GALNT2: variants seen among roughly 807,000 people sequenced by gnomAD.
GALNT2 encodes the protein UDP-GalNAc:polypeptide N-acetylgalactosaminyltransferase 2.
In GALNT2, 31 loss-of-function variants were observed where a neutral mutation model predicts 81.4. The observed-to-expected ratio is 0.38, with a 90% confidence interval of 0.29 to 0.51. GALNT2 has a LOEUF of 0.51. GALNT2 is among the 20% of genes least tolerant of loss of function. The pLI, the probability that GALNT2 is intolerant of heterozygous loss-of-function variation, is 0.87. For synonymous variants in GALNT2, 303 were observed against 287.4 expected (o/e 1.05, Z -0.55); for missense variants, 629 against 765.7 (o/e 0.82, Z 2.11).
intron 10 of GALNT2, among the ~76,000 whole-genome samples, chr1:230,254,289 A>G (rs942787547): frequency 2.0e-5 from 3 of 152,100 alleles, no homozygotes; most frequent in Non-Finnish European, 2.9e-5. Context: ...CTGAGTTCCA[A>G]TGCTCAGGGC....
At chr1:230,112,839 G>T (rs1367129597) in intron 1 of GALNT2, among the ~76,000 whole-genome samples, 1 of 152,114 alleles carries the variant, frequency 6.6e-6, no homozygotes, top group African/African-American at 2.4e-5. Context: ...CCACTCTTGG[G>T]CTGTGAGCCA....
At chr1:230,147,517 G>T (rs910571970) in intron 1 of GALNT2, among the ~76,000 whole-genome samples, 2 of 152,212 alleles carry the variant, frequency 1.3e-5, no homozygotes, top group Non-Finnish European at 2.9e-5. Context: ...CTGCTCTGCC[G>T]TGTGCCTGGC....
At chr1:230,137,796 ATGT>A (rs1270945468) in intron 1 of GALNT2, among the ~76,000 whole-genome samples, 1 of 152,202 alleles carries the variant, frequency 6.6e-6, no homozygotes, top group East Asian at 1.9e-4. Context: ...CTCAGGATTG[ATGT>A]TGTATAGGGT....
At chr1:230,263,766 T>C (rs1558168238) in intron 13 of GALNT2, 1 of 152,220 alleles carries the variant, frequency 6.6e-6, no homozygotes, top group Non-Finnish European at 1.5e-5. Flanking sequence ...TTATTCTAAA[T>C]ATTCCCAGAG....
At chr1:230,098,351 T>C (rs1216522343) in intron 1 of GALNT2, among the ~76,000 whole-genome samples, 1 of 152,072 alleles carries the variant, frequency 6.6e-6, no homozygotes, top group Non-Finnish European at 1.5e-5. Flanking sequence ...TTAGAATGCA[T>C]GCATGTGAAT....
At position 230,264,836 on chromosome 1, in the gene GALNT2, C is replaced by A. The variant is rs533521694; in HGVS notation, c.1314-405C>A. On this transcript the variant is annotated intron_variant, in intron 13 of 15. Coordinates refer to ENST00000366672, the MANE Select transcript of GALNT2 (RefSeq NM_004481.5). ...CCACCTGACAAGTCTGCCCACCTTTCCCGTCTTTACTGGATAAAGGTCAGA... is the reference window on the plus strand; with the variant it reads ...CCACCTGACAAGTCTGCCCACCTTTACCGTCTTTACTGGATAAAGGTCAGA... The A allele has an allele frequency of 2.4e-4, 38 of 158,304 alleles. No homozygotes were observed. In the South Asian group the frequency reaches 7.3e-3, roughly 30 times the overall value. The allele number at this position is 158,304 out of a possible 1,614,324, so 9.8% of individuals were successfully genotyped here. A position where few individuals can be genotyped will look rare whatever the true frequency, so the allele number is the denominator to read the frequency against.
At position 230,149,575 on chromosome 1, in the gene GALNT2, G is replaced by A. The variant is rs369037408; in HGVS notation, c.127-28643G>A. ...GTATTGAGTGCAACAAGCGGTTGAG[G>A]GACCTTAGATTTTGAGGGTTTTTAA... On this transcript the variant is annotated intron_variant, in intron 1 of 15. Transcript: ENST00000366672. Among the ~76,000 whole-genome samples, 43 of 152,240 alleles carry A rather than the reference G, an allele frequency of 2.8e-4. No individual in the cohort carries two copies. In the South Asian group the frequency reaches 8.1e-3, roughly 29 times the overall value.
chr1:230,086,866 G>C (rs577827334), intron 1 of GALNT2, among the ~76,000 whole-genome samples: 23 of 152,294 alleles, frequency 1.5e-4, no homozygotes, highest in African/African-American at 4.6e-4. Context: ...TCATGGAGTG[G>C]CTCAGGTGTC....
At chr1:230,267,569 A>G (rs1239445221) in intron 14 of GALNT2, among the ~76,000 whole-genome samples, 1 of 152,238 alleles carries the variant, frequency 6.6e-6, no homozygotes, top group African/African-American at 2.4e-5. Context: ...CACACAAGCC[A>G]GCCTTCAGCT....
At chr1:230,068,113 T>C (rs1571922261) in intron 1 of GALNT2, among the ~76,000 whole-genome samples, 1 of 152,374 alleles carries the variant, frequency 6.6e-6, no homozygotes, top group African/African-American at 2.4e-5. Context: ...CGTGGCCTCC[T>C]GCGCTTGCAT....
At position 230,271,899 on chromosome 1, in the gene GALNT2, G is replaced by A. The variant is rs116127042; in HGVS notation, c.1441-2546G>A. Among the ~76,000 whole-genome samples the A allele has an allele frequency of 2.2e-3, 332 of 152,330 alleles. 2 individuals carry two copies. Among genetic ancestry groups the A allele is most frequent in the Non-Finnish European group, 3.6e-3 (245 of 68,026 alleles). On this transcript the variant is annotated intron_variant, in intron 14 of 15. Transcript: ENST00000366672. This position sits in a 1 kb window ranked among gnomAD's most constrained non-coding sequence, Gnocchi z 4.2. ...TCCCTTCCCAGAGGATGGGGTGGCG[G>A]GGGACTGACGGTTTCAAGCTTCTCA...
intron 1 of GALNT2, among the ~76,000 whole-genome samples, chr1:230,087,111 A>G (rs1659923082): frequency 6.6e-6 from 1 of 152,148 alleles, no homozygotes; most frequent in African/African-American, 2.4e-5. Context: ...TCACCTGGGA[A>G]GGTCCTGGCT....
rs992309060 is a variant in GALNT2, at chr1:230,275,956, G to T, written c.1560+1392G>T. ...ATATATACATGCCACATATATATAC[G>T]TATATATACATGCCACATATATATA... On this transcript the variant is annotated intron_variant, in intron 15 of 15. Coordinates refer to ENST00000366672, the MANE Select transcript of GALNT2 (RefSeq NM_004481.5). The surrounding 1 kb of genome is among the most constrained non-coding windows in gnomAD (Gnocchi z 5.5). Among the ~76,000 whole-genome samples, 2 of 127,254 alleles carry T rather than the reference G, an allele frequency of 1.6e-5. No individual in the cohort carries two copies. The highest frequency in any genetic ancestry group is 3.3e-5 in the Non-Finnish European group (2 of 60,492). The allele number at this position is 127,254 out of a possible 152,430, so 83.5% of individuals were successfully genotyped here. A position where few individuals can be genotyped will look rare whatever the true frequency, so the allele number is the denominator to read the frequency against.
chr1:230,242,485 A>G (rs1365461415), intron 6 of GALNT2, among the ~76,000 whole-genome samples: 2 of 152,166 alleles, frequency 1.3e-5, no homozygotes, highest in African/African-American at 2.4e-5. Context: ...AGCAAAAGCC[A>G]TTTATGACCA....
intron 2 of GALNT2, among the ~76,000 whole-genome samples, chr1:230,181,391 C>T (rs1357916576): frequency 2.0e-5 from 3 of 152,134 alleles, no homozygotes; most frequent in East Asian, 1.9e-4. Context: ...TGATGGATTA[C>T]GTTAATGGGT....
intron 1 of GALNT2, among the ~76,000 whole-genome samples, chr1:230,082,464 C>T (rs898494425): frequency 2.0e-5 from 3 of 152,252 alleles, no homozygotes; most frequent in Admixed American, 2.0e-4. Flanking sequence ...GTCATCTCTT[C>T]CTAGGGCCTC....
At chr1:230,262,206 A>G (rs182858621) in intron 11 of GALNT2, 1 of 194,652 alleles carries the variant, frequency 5.1e-6, no homozygotes, top group Admixed American at 5.6e-5. Context: ...CCCTCTGTGG[A>G]CGCGTAATGT....
intron 1 of GALNT2, among the ~76,000 whole-genome samples, chr1:230,130,688 G>T (rs779419629): frequency 5.1e-4 from 78 of 152,350 alleles, no homozygotes; most frequent in Non-Finnish European, 9.7e-4. Context: ...CCCAAAGTGG[G>T]ATTTCTGCTG....
intron 3 of GALNT2, among the ~76,000 whole-genome samples, chr1:230,211,134 G>C (rs1287547727): frequency 6.6e-6 from 1 of 152,154 alleles, no homozygotes; most frequent in African/African-American, 2.4e-5. Context: ...GGCAGCTCGC[G>C]GCGTCTCATA....
Sources: allele counts gnomAD v4.1 joint callset (sites outside exome capture counted in the v4.1 genomes callset), GRCh38; gene constraint gnomAD v4.1.1; non-coding constraint Gnocchi (gnomAD v3.1); transcripts MANE v1.5; gene names NCBI Gene and HGNC (gene_info 2026-07-23, HGNC 2026-07-21).